Variants in CUBN observed in about 807,000 individuals in gnomAD.
CUBN encodes 460 kDa receptor.
Under a neutral mutation model 405.3 loss-of-function variants are expected in CUBN, and 282 were observed. That is an observed-to-expected ratio of 0.70 (90% confidence interval 0.63 to 0.77). The LOEUF (loss-of-function observed/expected upper bound fraction) is 0.77, where lower values mean the gene tolerates loss of function less well. CUBN is among the 30% of genes least tolerant of loss of function. The pLI is 0.00. For synonymous variants in CUBN, 1,684 were observed against 1,617.0 expected, an observed-to-expected ratio of 1.04 and a Z score of -0.99; for missense variants, 4,514 against 4,475.2, an observed-to-expected ratio of 1.01 and a Z score of -0.25.
At chr10:16,963,616 C>T (rs1463342012) in intron 31 of CUBN, among the ~76,000 whole-genome samples, 1 of 152,090 alleles carries the variant, frequency 6.6e-6, no homozygotes, top group Non-Finnish European at 1.5e-5. Context: ...ATATTCGGTA[C>T]AAAAAGTTGC....
intron 15 of CUBN, among the ~76,000 whole-genome samples, chr10:17,086,191 CT>C (rs1836104965): frequency 6.6e-6 from 1 of 152,100 alleles, no homozygotes; most frequent in African/African-American, 2.4e-5. Context: ...GTCTCAATCT[CT>C]TGACCTCATG....
rs1841325324 is a variant in CUBN at position 16,900,491 on chromosome 10, G to A, written c.8410+134C>T. Reference sequence around the variant, plus strand: ...TATTGATATTGTGTTATCCCACCAGGGTTGCTGCATGAGATGACATGTGCA... The same window carrying A: ...TATTGATATTGTGTTATCCCACCAGAGTTGCTGCATGAGATGACATGTGCA... On this transcript the variant is annotated intron_variant, in intron 53 of 66. Coordinates refer to ENST00000377833, the MANE Select transcript of CUBN (RefSeq NM_001081.4). 11 of 743,840 alleles carry A rather than the reference G, an allele frequency of 1.5e-5. No homozygotes were observed. The Admixed American group carries it at 1.8e-4, about 12-fold the overall frequency. The allele number at this position is 743,840 out of a possible 1,614,324, so 46.1% of individuals were successfully genotyped here.
chr10:16,873,449 C>T (rs749436824), intron 58 of CUBN, among the ~76,000 whole-genome samples: 7 of 151,956 alleles, frequency 4.6e-5, no homozygotes, highest in Non-Finnish European at 8.8e-5. Flanking sequence ...AGGCTGGGTG[C>T]GGTGGCTCAT....
chr10:16,980,885 A>G (rs1833250346), intron 31 of CUBN, among the ~76,000 whole-genome samples: 1 of 76,310 alleles, frequency 1.3e-5, no homozygotes, highest in Non-Finnish European at 3.3e-5. Context: ...AAAAAATTTA[A>G]AAACAGAAAG....
intron 48 of CUBN, among the ~76,000 whole-genome samples, chr10:16,910,503 G>A (rs1841698725): frequency 6.6e-6 from 1 of 152,140 alleles, no homozygotes; most frequent in African/African-American, 2.4e-5. Flanking sequence ...ACCTCCCCAA[G>A]AGAAAAGACC....
At chr10:17,122,627 G>C (rs1456212605) in intron 6 of CUBN, 168 bp downstream of exon 6, 1 of 655,470 alleles carries the variant, frequency 1.5e-6, no homozygotes, top group African/African-American at 1.8e-5. Context: ...CTTTTCTTCA[G>C]TTAAGTAAAA....
chr10:16,836,239 A>C lies in CUBN; in HGVS notation c.10176T>G (p.Ile3392Met), dbSNP rs1173604687. 1 of 1,613,558 alleles carries C rather than the reference A, an allele frequency of 6.2e-7. No homozygotes were observed. The highest frequency in any genetic ancestry group is 1.7e-5 in the Admixed American group (1 of 60,020). The change falls in exon 63 of 67, where the codon ATT (isoleucine) becomes ATG (methionine). Residue 3392 changes from isoleucine to methionine, a missense_variant. Ile to Met is a conservative substitution (Grantham distance 10). Transcript: ENST00000377833. ...AGATGAAGTTCCTGGCCTCACCTGCAATCTGATAGGTGAAACTCATTCTAG... is the reference window on the plus strand; with the variant it reads ...AGATGAAGTTCCTGGCCTCACCTGCCATCTGATAGGTGAAACTCATTCTAG... ...RNSRMSFTYQ[I>M]ADCNRDYHKA...
chr10:16,940,352 G>C (rs1376716751), intron 36 of CUBN, 115 bp from the exon 37 acceptor site: 1 of 997,480 alleles, frequency 1.0e-6, no homozygotes, highest in African/African-American at 1.6e-5. Flanking sequence ...CTTTAACTTT[G>C]ATCACAACAT....
chr10:16,894,514 G>C (rs905364418), intron 54 of CUBN, among the ~76,000 whole-genome samples: 3 of 152,166 alleles, frequency 2.0e-5, no homozygotes, highest in Non-Finnish European at 4.4e-5. Flanking sequence ...ATCAATTGAG[G>C]ATGTTTGTGT....
At chr10:16,898,019 G>A (rs1402702452) in intron 54 of CUBN, among the ~76,000 whole-genome samples, 5 of 149,802 alleles carry the variant, frequency 3.3e-5, no homozygotes, top group Admixed American at 6.6e-5. Context: ...TTTAGTTCAT[G>A]GAAAAAGCCA....
intron 25 of CUBN, 41 bp from the exon 26 acceptor site, chr10:17,044,024 A>G: frequency 1.9e-6 from 3 of 1,547,194 alleles, no homozygotes; most frequent in Non-Finnish European, 2.7e-6. Flanking sequence ...TTGAGACTAT[A>G]AACATTATGT....
chr10:16,996,943 G>C (rs764451587), intron 28 of CUBN, among the ~76,000 whole-genome samples: 1 of 152,184 alleles, frequency 6.6e-6, no homozygotes, highest in Non-Finnish European at 1.5e-5. Flanking sequence ...CTGTTAAAAC[G>C]AAGCCAAAAG....
At chr10:16,902,607 A>T (rs1841428298) in intron 51 of CUBN, among the ~76,000 whole-genome samples, 1 of 152,090 alleles carries the variant, frequency 6.6e-6, no homozygotes, top group Non-Finnish European at 1.5e-5. Context: ...GTAGATAATC[A>T]ATTTCACTCC....
intron 22 of CUBN, among the ~76,000 whole-genome samples, chr10:17,062,033 A>G (rs1564499567): frequency 1.3e-5 from 2 of 152,168 alleles, no homozygotes; most frequent in Non-Finnish European, 2.9e-5. Context: ...AACTTTCTTG[A>G]CATACCCTAA....
chr10:16,827,441 C>G (rs1030985618), intron 66 of CUBN, among the ~76,000 whole-genome samples: 3 of 151,958 alleles, frequency 2.0e-5, no homozygotes, highest in African/African-American at 7.3e-5. Flanking sequence ...CTTCTGAAAA[C>G]AGCATTTATC....
Position 16,906,358 on chromosome 10 carries a change from C to T in CUBN, c.7757G>A (p.Gly2586Asp). 1.2e-6 allele frequency: 2 copies of T among 1,613,950 alleles called. No individual in the cohort carries two copies. Among genetic ancestry groups the T allele is most frequent in the Non-Finnish European group, 1.7e-6 (2 of 1,179,876 alleles). The change falls in exon 50 of 67, where the codon GGC (glycine) becomes GAC (aspartate). Residue 2586 changes from glycine to aspartate, a missense_variant. By Grantham distance (94) the Gly-to-Asp change is moderately conservative. This residue lies in a region of CUBN where 1,613 missense variants were observed against 1,542.8 expected (regional missense o/e 1.05). Coordinates refer to ENST00000377833, the MANE Select transcript of CUBN (RefSeq NM_001081.4). ...NTPEGNFTSP[G>D]YDGVRNYSRN... Reference sequence around the variant, plus strand: ...TGAGTAATTCCTGACTCCGTCATAGCCAGGAGAAGTAAAGTTTCCTTCAGG... The same window carrying T: ...TGAGTAATTCCTGACTCCGTCATAGTCAGGAGAAGTAAAGTTTCCTTCAGG...
intron 28 of CUBN, among the ~76,000 whole-genome samples, chr10:16,999,038 A>G (rs1380305210): frequency 6.6e-6 from 1 of 152,358 alleles, no homozygotes; most frequent in South Asian, 2.1e-4. Context: ...TCAATGGTAG[A>G]GATACAATAA....
At chr10:16,843,635 T>C (rs1215028640) in intron 60 of CUBN, among the ~76,000 whole-genome samples, 1 of 152,214 alleles carries the variant, frequency 6.6e-6, no homozygotes, top group African/African-American at 2.4e-5. Flanking sequence ...TTGCTGTCTT[T>C]ATGATCACAT....
intron 28 of CUBN, among the ~76,000 whole-genome samples, chr10:16,999,674 T>C (rs1027158706): frequency 2.6e-5 from 4 of 152,168 alleles, no homozygotes; most frequent in African/African-American, 9.7e-5. Context: ...CTTTATGAAA[T>C]CCCTCAAACA....
Sources: gnomAD v4.1 joint callset for allele counts (sites outside exome capture counted in the v4.1 genomes callset) on GRCh38, gnomAD v4.1.1 for gene constraint, gnomAD v4.1.1 regional missense constraint, MANE v1.5 for transcripts, NCBI Gene and HGNC (gene_info 2026-07-23, HGNC 2026-07-21) for gene names.